The following FOXO1 variants were observed in gnomAD, a reference collection of about 807,000 sequenced individuals.
The protein encoded by FOXO1 is forkhead box protein O1.
Under a neutral mutation model 44.1 loss-of-function variants are expected in FOXO1, and 6 were observed. The observed-to-expected ratio is 0.14, with a 90% CI of 0.07 to 0.27. The LOEUF (loss-of-function observed/expected upper bound fraction) is 0.27, where lower values mean the gene tolerates loss of function less well. FOXO1 is among the 10% of genes least tolerant of loss of function. The probability of loss-of-function intolerance (pLI) is 1.00; values close to 1 mark genes in which losing one functional copy is unlikely to be tolerated. For synonymous variants in FOXO1, 380 were observed against 362.7 expected (o/e 1.05, Z -0.54); for missense variants, 737 against 888.8 (o/e 0.83, Z 2.17).
At chr13:40,601,753 T>C (rs1875822148) in intron 1 of FOXO1, among the ~76,000 whole-genome samples, 2 of 152,172 alleles carry the variant, frequency 1.3e-5, no homozygotes, top group Admixed American at 1.3e-4. Flanking sequence ...TTTTGAAAAA[T>C]ATAGAGCAAT....
At chr13:40,664,629 C>T (rs1267834387) in intron 1 of FOXO1, among the ~76,000 whole-genome samples, 1 of 152,192 alleles carries the variant, frequency 6.6e-6, no homozygotes, top group Non-Finnish European at 1.5e-5. Context: ...AAAAGACTCA[C>T]ACATCCCAGC....
At chr13:40,620,335 A>G (rs923798645) in intron 1 of FOXO1, 20 of 794,042 alleles carry the variant, frequency 2.5e-5, no homozygotes, top group Non-Finnish European at 3.7e-5. Flanking sequence ...ATTCAAAGCA[A>G]TAGTGGGGGC....
At position 40,665,945 on chromosome 13, in the gene FOXO1, C is replaced by G. The variant is rs1348645141; in HGVS notation, c.268G>C (p.Val90Leu). Reference sequence around the variant, plus strand: ...GCCGCCGCCGCCACCGCCGCCGCCACGGAGCCGGGCGCCTGCGGGAAGTCC... The same window carrying G: ...GCCGCCGCCGCCACCGCCGCCGCCAGGGAGCCGGGCGCCTGCGGGAAGTCC... Reference protein sequence around the residue: ...SEDFPQAPGSVAAAVAAAAAA... With the variant: ...SEDFPQAPGSLAAAVAAAAAA... The change falls in exon 1 of 3, where the codon GTG becomes CTG. Residue 90 changes from valine (V) to leucine (L), a missense_variant. Val to Leu is a conservative substitution (Grantham distance 32). This residue lies in a region of FOXO1 where 213 missense variants were observed against 236.4 expected (regional missense o/e 0.90). Coordinates refer to ENST00000379561, the MANE Select transcript of FOXO1 (RefSeq NM_002015.4). 3.0e-5 allele frequency: 37 copies of G among 1,222,414 alleles called. No homozygotes were observed. The highest frequency in any genetic ancestry group is 3.6e-5 in the Non-Finnish European group (35 of 984,772). 75.7% of individuals were successfully genotyped at this position (1,222,414 alleles called of 1,614,324 possible).
intron 1 of FOXO1, among the ~76,000 whole-genome samples, chr13:40,587,615 C>G (rs1306739542): frequency 6.6e-6 from 1 of 152,166 alleles, no homozygotes; most frequent in Non-Finnish European, 1.5e-5. Context: ...AAAGACAGTC[C>G]ATCTATACCT....
At chr13:40,592,681 C>T (rs1875428130) in intron 1 of FOXO1, among the ~76,000 whole-genome samples, 1 of 152,218 alleles carries the variant, frequency 6.6e-6, no homozygotes, top group Non-Finnish European at 1.5e-5. Context: ...ATACTTAGCA[C>T]AGTCAGGAAA....
intron 1 of FOXO1, among the ~76,000 whole-genome samples, chr13:40,641,419 C>CATAT (rs747250219): frequency 1.3e-5 from 2 of 149,704 alleles, no homozygotes; most frequent in East Asian, 3.9e-4. Context: ...TTATATATAT[C>CATAT]ATATATATAT....
chr13:40,643,941 T>G (rs1224258778), intron 1 of FOXO1, among the ~76,000 whole-genome samples: 1 of 152,190 alleles, frequency 6.6e-6, no homozygotes, highest in Non-Finnish European at 1.5e-5. Context: ...ATGTGACTTG[T>G]CTAAATAGGA....
At chr13:40,640,388 ACTCT>A (rs926228552) in intron 1 of FOXO1, among the ~76,000 whole-genome samples, 19 of 152,054 alleles carry the variant, frequency 1.2e-4, no homozygotes, top group Middle Eastern at 6.8e-3. Flanking sequence ...ACTACACTAC[ACTCT>A]CTCTCTCTAA....
chr13:40,652,203 G>C (rs1036142106), intron 1 of FOXO1, among the ~76,000 whole-genome samples: 4 of 152,064 alleles, frequency 2.6e-5, no homozygotes, highest in Non-Finnish European at 4.4e-5. Flanking sequence ...TGTAATTCAA[G>C]AGAGCCCACT....
chr13:40,651,105 G>GTT (rs777137995), intron 1 of FOXO1, among the ~76,000 whole-genome samples: 36 of 132,956 alleles, frequency 2.7e-4, no homozygotes, highest in African/African-American at 1.0e-3. Context: ...TTTGTTTTTT[G>GTT]TTTTTGTTTT....
intron 1 of FOXO1, among the ~76,000 whole-genome samples, chr13:40,585,047 T>C (rs928850217): frequency 3.9e-5 from 6 of 152,234 alleles, no homozygotes; most frequent in African/African-American, 1.4e-4. Flanking sequence ...AAGTATCTTA[T>C]ATGACAGGCA....
At chr13:40,647,452 G>T (rs9577087) in intron 1 of FOXO1, among the ~76,000 whole-genome samples, 63,050 of 151,872 alleles carry the variant, frequency 0.42, 14,379 homozygotes, top group East Asian at 0.75. Flanking sequence ...TCACCTAGGC[G>T]GGAGTGCAGT....
In FOXO1 at chr13:40,560,836, G is replaced by A. The variant is rs756767861; in HGVS notation, c.655C>T (p.Leu219=). Residue 219 remains leucine (L), a synonymous_variant, in exon 2 of 3, where the codon CTA becomes TTA. Transcript: ENST00000379561. The surrounding 1 kb of genome is among the most constrained non-coding windows in gnomAD (Gnocchi z 5.1). ...WKNSIRHNLS[L]HSKFIRVQNE... ...TGCACACGAATGAACTTGCTGTGTA[G>A]GGACAGATTATGACGAATTGAATTC... 2 of 1,611,364 alleles carry A rather than the reference G, an allele frequency of 1.2e-6. No individual in the cohort carries two copies. Among genetic ancestry groups the A allele is most frequent in the Non-Finnish European group, 1.7e-6 (2 of 1,179,020 alleles).
rs60741629 is a variant in FOXO1 at position 40,603,353 on chromosome 13, CAAAAAAAAA to C, written c.631-42502_631-42494del. On this transcript the variant is annotated intron_variant, in intron 1 of 2. Transcript: ENST00000379561. ...GGAGACCCTAGTTGGCAGATGAATC[CAAAAAAAAA>C]AAAAAAAAAAAAGGTTGAGTTAAAG... Among the ~76,000 whole-genome samples the C allele has an allele frequency of 2.6e-4, 19 of 73,944 alleles. No individual in the cohort carries two copies. The South Asian group carries it at 3.0e-3, about 12-fold the overall frequency. The allele number at this position is 73,944 out of a possible 152,430, so 48.5% of individuals were successfully genotyped here. A position where few individuals can be genotyped will look rare whatever the true frequency, so the allele number is the denominator to read the frequency against.
At chr13:40,561,467 T>C (rs748182270) in intron 1 of FOXO1, among the ~76,000 whole-genome samples, 31 of 152,140 alleles carry the variant, frequency 2.0e-4, no homozygotes, top group African/African-American at 5.5e-4. Flanking sequence ...ATCAAAGGAA[T>C]TGGTTTTAAT....
In FOXO1 at chr13:40,614,648, C is replaced by A. The variant is rs185117777; in HGVS notation, c.630+50935G>T. On this transcript the variant is annotated intron_variant, in intron 1 of 2. Coordinates refer to ENST00000379561, the MANE Select transcript of FOXO1 (RefSeq NM_002015.4). ...GAAAGCACAAGGATAGTGATGCTCC[C>A]CTTATCTGGTGGCCAGCCTTCCAAC... Among the ~76,000 whole-genome samples, 130 of 152,260 alleles carry A rather than the reference C, an allele frequency of 8.5e-4. 4 individuals carry two copies. Among genetic ancestry groups the A allele is most frequent in the Admixed American group, 7.1e-3 (108 of 15,290 alleles).
chr13:40,666,385 C>A lies in FOXO1; in HGVS notation c.-173G>T. The A allele has an allele frequency of 2.1e-6, 1 of 485,600 alleles. No homozygotes were observed. Among genetic ancestry groups the A allele is most frequent in the East Asian group, 3.5e-5 (1 of 28,182 alleles). The allele number at this position is 485,600 out of a possible 1,614,324, so 30.1% of individuals were successfully genotyped here. On this transcript the variant is annotated 5_prime_UTR_variant, in exon 1 of 3. Transcript: ENST00000379561. Reference sequence around the variant, plus strand: ...GCGCGGCGGAGTGGAAGCGCGAGCCCAGAACTTAACTTCGCGGGGCCATCC... The same window carrying A: ...GCGCGGCGGAGTGGAAGCGCGAGCCAAGAACTTAACTTCGCGGGGCCATCC...
chr13:40,564,571 C>T (rs984669672), intron 1 of FOXO1, among the ~76,000 whole-genome samples: 3 of 152,202 alleles, frequency 2.0e-5, no homozygotes, highest in Admixed American at 2.0e-4. Flanking sequence ...TGTGTCTGCA[C>T]TCCCCTACTG....
At chr13:40,588,513 T>C (rs1875255456) in intron 1 of FOXO1, among the ~76,000 whole-genome samples, 1 of 152,158 alleles carries the variant, frequency 6.6e-6, no homozygotes. Context: ...CAAATTATAT[T>C]TAAGTTTTCA....
Sources: gnomAD v4.1 joint callset for allele counts (sites outside exome capture counted in the v4.1 genomes callset) on GRCh38, gnomAD v4.1.1 for gene constraint, gnomAD v4.1.1 regional missense constraint, Gnocchi (gnomAD v3.1) non-coding constraint, MANE v1.5 for transcripts, NCBI Gene and HGNC (gene_info 2026-07-23, HGNC 2026-07-21) for gene names.